Variants in RSAD2 observed in about 807,000 individuals in gnomAD.
RSAD2 encodes radical S-adenosyl methionine domain containing 2.
In RSAD2, 38 loss-of-function variants were observed where a neutral mutation model predicts 37.7. The observed-to-expected ratio is 1.01, with a 90% CI of 0.78 to 1.32. The LOEUF (loss-of-function observed/expected upper bound fraction) is 1.32. RSAD2 is among the 40% of genes most tolerant of loss of function. The pLI is 0.00. For missense variants in RSAD2, 428 were observed against 437.5 expected, an observed-to-expected ratio of 0.98 and a Z score of 0.19; for synonymous variants, 163 against 157.4, an observed-to-expected ratio of 1.04 and a Z score of -0.27.
rs764137986 is a variant in RSAD2, at chr2:6,865,939, CG to C, written c.37del (p.Ala13LeufsTer24). Reference sequence around the variant, plus strand: ...TAAACGGCCGGCGCTCGGGAGCAGACGCTTGGCCCCGGGGCCCCAGGTGCGC... The same window carrying C: ...TAAACGGCCGGCGCTCGGGAGCAGACCTTGGCCCCGGGGCCCCAGGTGCGC... On this transcript the variant is annotated frameshift_variant, in exon 1 of 6. Coordinates refer to the RSAD2 transcript ENST00000442639. LOFTEE classifies it high-confidence loss of function. 261 of 1,342,850 alleles carry C rather than the reference CG, an allele frequency of 1.9e-4. 2 individuals carry two copies. Among genetic ancestry groups the C allele is most frequent in the Non-Finnish European group, 2.5e-4 (254 of 1,029,902 alleles). The allele number at this position is 1,342,850 out of a possible 1,614,324, so 83.2% of individuals were successfully genotyped here. A position where few individuals can be genotyped will look rare whatever the true frequency, so the allele number is the denominator to read the frequency against.
intron 5 of RSAD2, among the ~76,000 whole-genome samples, chr2:6,894,402 A>G (rs957496060): frequency 6.6e-6 from 1 of 152,142 alleles, no homozygotes; most frequent in Non-Finnish European, 1.5e-5. Flanking sequence ...CTTGAATTCC[A>G]TATTTAAATT....
intron 1 of RSAD2, among the ~76,000 whole-genome samples, chr2:6,870,140 T>C (rs150518563): frequency 6.6e-6 from 1 of 152,228 alleles, no homozygotes; most frequent in Non-Finnish European, 1.5e-5. Context: ...AAAATACCTT[T>C]GTTTCACACT....
chr2:6,880,996 G>A (rs1188420746), intron 1 of RSAD2, among the ~76,000 whole-genome samples: 4 of 152,068 alleles, frequency 2.6e-5, no homozygotes, highest in African/African-American at 7.2e-5. Flanking sequence ...ACTCATGTAT[G>A]TTAACACTAT....
Position 6,895,896 on chromosome 2 carries a change from G to C in RSAD2, c.1040G>C (p.Gly347Ala). ...GATGAAAAGATGTTTCTGAAGCGAG[G>C]AGGAAAATACATATGGAGTAAGGCT... is the stretch of plus-strand genomic sequence containing the variant. Reference protein sequence around the residue: ...GFDEKMFLKRGGKYIWSKADL... With the variant: ...GFDEKMFLKRAGKYIWSKADL... The change falls in exon 6 of 6, where the codon GGA becomes GCA. Residue 347 changes from glycine to alanine, a missense_variant. Gly to Ala is a moderately conservative substitution (Grantham distance 60). Transcript: ENST00000382040. 1.2e-6 allele frequency: 2 copies of C among 1,614,174 alleles called. No individual in the cohort carries two copies. Among genetic ancestry groups the C allele is most frequent in the Non-Finnish European group, 1.7e-6 (2 of 1,180,004 alleles).
chr2:6,895,082 A>G (rs1450424558), intron 5 of RSAD2, among the ~76,000 whole-genome samples: 1 of 150,856 alleles, frequency 6.6e-6, no homozygotes, highest in African/African-American at 2.4e-5. Context: ...TGTAGGTCGT[A>G]AGGAGTGTGA....
At chr2:6,883,585 G>C in intron 2 of RSAD2, 53 bp downstream of exon 2, 1 of 1,597,456 alleles carries the variant, frequency 6.3e-7, no homozygotes. Context: ...TTTTATTGTT[G>C]GTTCTTATAT....
At chr2:6,883,772 A>C in intron 2 of RSAD2, 1 of 479,162 alleles carries the variant, frequency 2.1e-6, no homozygotes, top group Non-Finnish European at 3.7e-6. Context: ...TACTGAGATG[A>C]CTATCTTGTA....
At position 6,897,521 on chromosome 2, in the gene RSAD2, T is replaced by G. The variant is rs1663802165; in HGVS notation, c.*1579T>G. 6.6e-6 allele frequency: 1 copy of G among 152,242 alleles called. No homozygotes were observed. Among genetic ancestry groups the G allele is most frequent in the African/African-American group, 2.4e-5 (1 of 41,456 alleles). The allele number at this position is 152,242 out of a possible 1,614,324, so 9.4% of individuals were successfully genotyped here. Reference sequence around the variant, plus strand: ...GTCTATAATTCAATTTAAATATGTGTGTGTCTCATCCAGGATAGGATAGGT... The same window carrying G: ...GTCTATAATTCAATTTAAATATGTGGGTGTCTCATCCAGGATAGGATAGGT... On this transcript the variant is annotated 3_prime_UTR_variant, in exon 6 of 6. Transcript: ENST00000382040.
chr2:6,883,775 A>G (rs1024218191), intron 2 of RSAD2: 5 of 476,530 alleles, frequency 1.0e-5, no homozygotes, highest in African/African-American at 9.7e-5. Flanking sequence ...TGAGATGACT[A>G]TCTTGTACAT....
chr2:6,887,804 A>G (rs1011426471), intron 3 of RSAD2, among the ~76,000 whole-genome samples: 3 of 152,246 alleles, frequency 2.0e-5, no homozygotes, highest in Non-Finnish European at 4.4e-5. Flanking sequence ...TGCTGCCCTG[A>G]AACAGGGCCT....
intron 1 of RSAD2, chr2:6,878,899 T>C: frequency 8.9e-7 from 1 of 1,127,816 alleles, no homozygotes. Context: ...AAGCATAGCA[T>C]ACATGCACCA....
chr2:6,875,379 A>T (rs933279840), upstream of RSAD2, among the ~76,000 whole-genome samples: 4 of 152,160 alleles, frequency 2.6e-5, no homozygotes, highest in Admixed American at 6.5e-5. Flanking sequence ...AGGTATTAAG[A>T]TTGGAGAAAA....
intron 5 of RSAD2, among the ~76,000 whole-genome samples, chr2:6,895,332 G>A (rs954938023): frequency 2.0e-5 from 3 of 152,108 alleles, no homozygotes; most frequent in Non-Finnish European, 4.4e-5. Flanking sequence ...ATGCATGCAC[G>A]GATGCATGCA....
At chr2:6,866,482 C>A (rs908577222) in intron 1 of RSAD2, 69 of 985,572 alleles carry the variant, frequency 7.0e-5, no homozygotes, top group Non-Finnish European at 8.2e-5. Flanking sequence ...GCTGACTCTC[C>A]AACTGGGAAG....
intron 1 of RSAD2, among the ~76,000 whole-genome samples, chr2:6,882,778 G>C (rs1346344439): frequency 2.0e-5 from 3 of 152,188 alleles, no homozygotes; most frequent in Admixed American, 2.0e-4. Flanking sequence ...GTACAAACGA[G>C]GGTGTTATCA....
At chr2:6,893,606 A>C in intron 4 of RSAD2, 65 bp from the exon 5 acceptor site, 1 of 1,242,716 alleles carries the variant, frequency 8.0e-7, no homozygotes, top group Non-Finnish European at 1.2e-6. Context: ...CTACAGGTGG[A>C]CAATTGAGCT....
chr2:6,891,382 C>G (rs1388982956), intron 4 of RSAD2, among the ~76,000 whole-genome samples: 1 of 152,068 alleles, frequency 6.6e-6, no homozygotes, highest in African/African-American at 2.4e-5. Context: ...TTAAAATAGC[C>G]CATATTTGAA....
rs1663312966 is a variant in RSAD2, at chr2:6,877,817, C to T, written c.17C>T (p.Pro6Leu). The change falls in exon 1 of 6, where the codon CCT (proline) becomes CTT (leucine). Residue 6 changes from proline (P) to leucine (L), a missense_variant. By Grantham distance (98) the Pro-to-Leu change is moderately conservative (BLOSUM62 -3). Transcript: ENST00000382040. ...TCTGCCACAATGTGGGTGCTTACAC[C>T]TGCTGCTTTTGCTGGGAAGCTCTTG... Reference protein sequence around the residue: MWVLTPAAFAGKLLSV... With the variant: MWVLTLAAFAGKLLSV... The T allele has an allele frequency of 1.9e-6, 3 of 1,613,852 alleles. No homozygotes were observed. The highest frequency in any genetic ancestry group is 1.3e-5 in the African/African-American group (1 of 75,028).
intron 4 of RSAD2, among the ~76,000 whole-genome samples, chr2:6,891,533 T>G (rs1365122233): frequency 6.6e-6 from 1 of 152,134 alleles, no homozygotes; most frequent in Non-Finnish European, 1.5e-5. Context: ...TTTGGGGGGC[T>G]GAGATGGGCG....
Sources: allele counts gnomAD v4.1 joint callset (sites outside exome capture counted in the v4.1 genomes callset), GRCh38; gene constraint gnomAD v4.1.1; transcripts MANE v1.5; gene names NCBI Gene and HGNC (gene_info 2026-07-23, HGNC 2026-07-21).